Variants in PRKCQ observed in about 807,000 individuals in gnomAD.
The protein encoded by PRKCQ is protein kinase C theta type.
A neutral mutation model predicts 91.2 loss-of-function variants in PRKCQ; 41 were observed. The ratio of observed to expected loss-of-function variants is 0.45; its 90% CI spans 0.35 to 0.58. The LOEUF (loss-of-function observed/expected upper bound fraction) is 0.58. Ranked by LOEUF, PRKCQ falls within the 20% of genes least tolerant of loss-of-function variation. The pLI is 0.00. For synonymous variants in PRKCQ, 307 were observed against 316.9 expected (o/e 0.97, Z 0.33); for missense variants, 673 against 896.5 (o/e 0.75, Z 3.18).
At chr10:6,511,297 T>C in intron 2 of PRKCQ, 103 bp from the exon 3 acceptor site, 7 of 1,111,988 alleles carry the variant, frequency 6.3e-6, no homozygotes, top group Non-Finnish European at 6.7e-6. Flanking sequence ...CTCTGGGATA[T>C]AGAATTCTGT....
chr10:6,513,619 T>G (rs1838604783), intron 2 of PRKCQ, among the ~76,000 whole-genome samples: 1 of 152,198 alleles, frequency 6.6e-6, no homozygotes, highest in Non-Finnish European at 1.5e-5. Context: ...TGGGAGCAAG[T>G]GGCATTCACA....
intron 1 of PRKCQ, among the ~76,000 whole-genome samples, chr10:6,538,552 CT>C: frequency 6.6e-6 from 1 of 152,220 alleles, no homozygotes; most frequent in East Asian, 1.9e-4. Context: ...CTGGCTCCTC[CT>C]GCCTTTAGAA....
intron 1 of PRKCQ, among the ~76,000 whole-genome samples, chr10:6,572,610 A>G (rs1841087873): frequency 6.6e-6 from 1 of 151,950 alleles, no homozygotes; most frequent in Admixed American, 6.5e-5. Context: ...GTGTATGTAC[A>G]TTTTCTTAAT....
chr10:6,448,008 G>A (rs1834418590), intron 15 of PRKCQ, among the ~76,000 whole-genome samples: 1 of 152,230 alleles, frequency 6.6e-6, no homozygotes, highest in South Asian at 2.1e-4. Context: ...CAAGTGGATG[G>A]TGGGAGGGCA....
the PRKCQ span, among the ~76,000 whole-genome samples, chr10:6,397,883 C>T: frequency 1.3e-5 from 2 of 152,076 alleles, no homozygotes; most frequent in Non-Finnish European, 2.9e-5. Context: ...TGAGATCGTG[C>T]CATTGCACTC....
the PRKCQ span, among the ~76,000 whole-genome samples, chr10:6,396,805 G>A: frequency 9.9e-5 from 15 of 152,218 alleles, no homozygotes; most frequent in Non-Finnish European, 1.9e-4. Flanking sequence ...TATATAACTA[G>A]GAGAGGAACT....
At chr10:6,501,967 G>C (rs762207785) in intron 4 of PRKCQ, among the ~76,000 whole-genome samples, 1 of 152,198 alleles carries the variant, frequency 6.6e-6, no homozygotes, top group Non-Finnish European at 1.5e-5. Context: ...GGTAGGAATA[G>C]CCATTGTGTG....
At chr10:6,394,376 A>G in the PRKCQ span, among the ~76,000 whole-genome samples, 1 of 152,250 alleles carries the variant, frequency 6.6e-6, no homozygotes. Context: ...TTCTTGAACT[A>G]GGTCAGTCAT....
At chr10:6,574,739 T>G (rs1009325730) in intron 1 of PRKCQ, among the ~76,000 whole-genome samples, 17 of 152,236 alleles carry the variant, frequency 1.1e-4, no homozygotes, top group Non-Finnish European at 1.5e-5. Flanking sequence ...GAAGCTGTGA[T>G]GCTTACTCTG....
At chr10:6,440,793 A>C (rs1833930988) in intron 16 of PRKCQ, among the ~76,000 whole-genome samples, 1 of 152,202 alleles carries the variant, frequency 6.6e-6, no homozygotes, top group Non-Finnish European at 1.5e-5. Context: ...GTTCAAGACC[A>C]GCTTGGCCAA....
At chr10:6,477,275 C>T (rs117775203) in intron 12 of PRKCQ, among the ~76,000 whole-genome samples, 4,175 of 152,210 alleles carry the variant, frequency 0.027, 131 homozygotes, top group East Asian at 0.048. Context: ...TTCTCAAGGT[C>T]GGGAGCTGTA....
intron 1 of PRKCQ, among the ~76,000 whole-genome samples, chr10:6,553,356 AGT>A (rs974079176): frequency 6.6e-6 from 1 of 151,886 alleles, no homozygotes; most frequent in Admixed American, 6.6e-5. Context: ...TGGGCATGGT[AGT>A]GTGTTCCTGT....
In PRKCQ at chr10:6,430,794, AT is replaced by A. The variant is rs1235348746; in HGVS notation, c.1965+15del. The A allele has an allele frequency of 6.2e-7, 1 of 1,612,650 alleles. No homozygotes were observed. The highest frequency in any genetic ancestry group is 8.5e-7 in the Non-Finnish European group (1 of 1,179,036). On this transcript the variant is annotated intron_variant, in intron 17 of 17. Transcript: ENST00000263125. This position sits in a 1 kb window ranked among gnomAD's most constrained non-coding sequence, Gnocchi z 4.7. ...GAGAGTGGCTGACACCAAGCGGCCC[AT>A]GAGCGAGTCCTTACCACTTTCGGCC...
the PRKCQ span, among the ~76,000 whole-genome samples, chr10:6,403,329 A>G: frequency 2.2e-4 from 33 of 152,338 alleles, no homozygotes; most frequent in Admixed American, 7.8e-4. Context: ...GGGCAAGGCT[A>G]TGGAGTAGGG....
At chr10:6,564,430 C>T (rs1840761350) in intron 1 of PRKCQ, among the ~76,000 whole-genome samples, 3 of 152,154 alleles carry the variant, frequency 2.0e-5, no homozygotes, top group Admixed American at 6.5e-5. Context: ...TACTGCTCGC[C>T]CAGAAGTGCC....
intron 1 of PRKCQ, among the ~76,000 whole-genome samples, chr10:6,561,383 A>G (rs1365184422): frequency 3.3e-5 from 5 of 151,438 alleles, no homozygotes; most frequent in Non-Finnish European, 5.9e-5. Flanking sequence ...AAAAAAAAAA[A>G]AAAAAAAAAA....
the PRKCQ span, among the ~76,000 whole-genome samples, chr10:6,406,422 T>G: frequency 6.6e-6 from 1 of 151,958 alleles, no homozygotes; most frequent in African/African-American, 2.4e-5. Context: ...AAATAATGTT[T>G]GCTGAAGTCG....
chr10:6,465,679 G>T lies in PRKCQ; in HGVS notation c.1354-1275C>A, dbSNP rs769463707. On this transcript the variant is annotated intron_variant, in intron 12 of 17. Coordinates refer to ENST00000263125, the MANE Select transcript of PRKCQ (RefSeq NM_006257.5). This position sits in a 1 kb window ranked among gnomAD's most constrained non-coding sequence, Gnocchi z 4.4. ...ACCCAACCGAGGCCGTGGGGCATAG[G>T]AGGTAATAGTAGAAACATTGTTCTG... 6.6e-6 allele frequency among the ~76,000 whole-genome samples: 1 copy of T among 152,208 alleles called. No homozygotes were observed. Among genetic ancestry groups the T allele is most frequent in the Non-Finnish European group, 1.5e-5 (1 of 68,040 alleles).
intron 1 of PRKCQ, among the ~76,000 whole-genome samples, chr10:6,527,486 C>T (rs1180583554): frequency 6.6e-6 from 1 of 152,170 alleles, no homozygotes; most frequent in East Asian, 1.9e-4. Flanking sequence ...GAGAGGCTTG[C>T]ATCCCTCTAA....
Sources: allele counts gnomAD v4.1 joint callset (sites outside exome capture counted in the v4.1 genomes callset), GRCh38; gene constraint gnomAD v4.1.1; non-coding constraint Gnocchi (gnomAD v3.1); transcripts MANE v1.5; gene names NCBI Gene and HGNC (gene_info 2026-07-23, HGNC 2026-07-21).